The following RAD51B variants were observed in gnomAD, a reference collection of about 807,000 sequenced individuals.
The protein encoded by RAD51B is DNA repair protein RAD51 homolog 2.
RAD51B carries 38 observed loss-of-function variants against 42.2 expected under a neutral mutation model. The observed-to-expected ratio is 0.90, with a 90% CI of 0.70 to 1.18. The LOEUF (loss-of-function observed/expected upper bound fraction) is 1.18, where lower values mean the gene tolerates loss of function less well. Ranked by LOEUF, RAD51B falls within the 50% of genes most tolerant of loss-of-function variation. The pLI is 0.00. For missense variants in RAD51B, 373 were observed against 400.7 expected, an observed-to-expected ratio of 0.93 and a Z score of 0.59; for synonymous variants, 154 against 145.2, an observed-to-expected ratio of 1.06 and a Z score of -0.43.
intron 7 of RAD51B, among the ~76,000 whole-genome samples, chr14:68,085,815 G>A (rs1307158876): frequency 2.6e-5 from 4 of 152,134 alleles, no homozygotes; most frequent in Non-Finnish European, 4.4e-5. Context: ...CCCCTTGCAG[G>A]GCGTGCCACA....
At chr14:68,378,463 AG>A (rs1250474293) in intron 8 of RAD51B, among the ~76,000 whole-genome samples, 1 of 152,150 alleles carries the variant, frequency 6.6e-6, no homozygotes, top group Non-Finnish European at 1.5e-5. Flanking sequence ...GTACCCATGA[AG>A]GATTGGTTCA....
chr14:67,839,087 A>C (rs2041342395), intron 4 of RAD51B, among the ~76,000 whole-genome samples: 1 of 152,096 alleles, frequency 6.6e-6, no homozygotes, highest in Non-Finnish European at 1.5e-5. Context: ...TGTTGGATTC[A>C]GTTTGCTAAT....
downstream of RAD51B, among the ~76,000 whole-genome samples, chr14:68,614,958 C>T (rs544432754): frequency 3.5e-4 from 54 of 152,228 alleles, no homozygotes; most frequent in Middle Eastern, 0.014. Flanking sequence ...CTGCAACCTC[C>T]GCCTCCTGGG....
chr14:68,306,031 C>A (rs2081853470), intron 8 of RAD51B, among the ~76,000 whole-genome samples: 1 of 152,200 alleles, frequency 6.6e-6, no homozygotes, highest in African/African-American at 2.4e-5. Context: ...CTTTCTTGTG[C>A]TGATCATCTT....
At chr14:67,936,423 T>G (rs780126457) in intron 7 of RAD51B, among the ~76,000 whole-genome samples, 1 of 152,222 alleles carries the variant, frequency 6.6e-6, no homozygotes, top group Non-Finnish European at 1.5e-5. Context: ...GTTATCAGTA[T>G]TCTTCATTCC....
intron 7 of RAD51B, among the ~76,000 whole-genome samples, chr14:67,987,150 A>C (rs552796988): frequency 1.1e-4 from 17 of 152,348 alleles, no homozygotes; most frequent in African/African-American, 4.1e-4. Flanking sequence ...AGAATGGGGT[A>C]TCTATCCCCT....
intron 7 of RAD51B, among the ~76,000 whole-genome samples, chr14:68,052,701 AC>A (rs1417062435): frequency 6.6e-6 from 1 of 150,516 alleles, no homozygotes; most frequent in African/African-American, 2.4e-5. Context: ...GCTCACTGCA[AC>A]CTCTGCCTCC....
intron 7 of RAD51B, among the ~76,000 whole-genome samples, chr14:68,145,374 G>A (rs1375199271): frequency 6.6e-6 from 1 of 152,146 alleles, no homozygotes; most frequent in East Asian, 1.9e-4. Context: ...CTACGGGCGG[G>A]GTACATTAGG....
chr14:68,365,274 G>A (rs1350145267), intron 8 of RAD51B, among the ~76,000 whole-genome samples: 1 of 152,250 alleles, frequency 6.6e-6, no homozygotes, highest in East Asian at 1.9e-4. Context: ...GTCTGATTCG[G>A]CTGTCCGGTG....
At chr14:68,612,620 G>A (rs1312602303), downstream of RAD51B, among the ~76,000 whole-genome samples, 1 of 152,184 alleles carries the variant, frequency 6.6e-6, no homozygotes, top group Admixed American at 6.5e-5. Context: ...GGTGGAGAGA[G>A]GGGAACGGGG....
At chr14:68,423,659 T>C (rs2084765484) in intron 9 of RAD51B, among the ~76,000 whole-genome samples, 1 of 152,214 alleles carries the variant, frequency 6.6e-6, no homozygotes, top group Admixed American at 6.5e-5. Flanking sequence ...ACCATGTTCA[T>C]GTAAGATTAT....
chr14:68,271,648 C>T (rs547382952), intron 7 of RAD51B, among the ~76,000 whole-genome samples: 171 of 152,294 alleles, frequency 1.1e-3, no homozygotes, highest in African/African-American at 3.9e-3. Flanking sequence ...CCTCTAAGCT[C>T]ATTTTCTTTA....
chr14:68,488,944 T>C (rs976064208), intron 10 of RAD51B, among the ~76,000 whole-genome samples: 29 of 152,046 alleles, frequency 1.9e-4, no homozygotes, highest in African/African-American at 7.0e-4. Context: ...ATTTTTTCAC[T>C]ATTTTTATTT....
intron 10 of RAD51B, among the ~76,000 whole-genome samples, chr14:68,589,611 T>A (rs1890649716): frequency 1.3e-5 from 2 of 152,186 alleles, no homozygotes; most frequent in Non-Finnish European, 2.9e-5. Context: ...CCAGGGGCCC[T>A]GCACAGGGCA....
At chr14:67,842,027 TG>T (rs1279967468) in intron 4 of RAD51B, among the ~76,000 whole-genome samples, 1 of 152,248 alleles carries the variant, frequency 6.6e-6, no homozygotes, top group East Asian at 1.9e-4. Context: ...GAGTATGGAA[TG>T]TTTTTTCATT....
Position 67,825,555 on chromosome 14 carries a change from C to A in RAD51B, c.176C>A (p.Ala59Asp). ...VHELLCMVSR[A>D]CAPKMQTAYG... is the part of the protein sequence containing the mutation. The stretch of plus-strand genomic sequence containing the variant: ...GAACTTCTATGTATGGTCAGCAGGG[C>A]CTGTGCCCCAAAGATGCAAACGGTA... The change falls in exon 3 of 11, where the codon GCC becomes GAC. Residue 59 changes from alanine (A) to aspartate (D), a missense_variant. Ala to Asp is a moderately radical substitution (Grantham distance 126). Transcript: ENST00000471583. The A allele has an allele frequency of 6.2e-7, 1 of 1,609,670 alleles. No homozygotes were observed.
intron 7 of RAD51B, among the ~76,000 whole-genome samples, chr14:68,089,738 ATG>A (rs149830768): frequency 6.6e-6 from 1 of 152,076 alleles, no homozygotes; most frequent in Non-Finnish European, 1.5e-5. Flanking sequence ...GTAAATGTTT[ATG>A]TGTGTGTGAA....
intron 7 of RAD51B, among the ~76,000 whole-genome samples, chr14:68,058,480 C>T (rs1288976031): frequency 6.6e-6 from 1 of 152,180 alleles, no homozygotes; most frequent in African/African-American, 2.4e-5. Context: ...AATTATACTT[C>T]CAAAGATAAT....
intron 10 of RAD51B, chr14:68,498,019 G>T (rs1281213721): frequency 5.7e-6 from 1 of 176,426 alleles, no homozygotes; most frequent in African/African-American, 2.4e-5. Context: ...ATTTTTTAAG[G>T]TATGTACCTA....
Sources: gnomAD v4.1 joint callset for allele counts (sites outside exome capture counted in the v4.1 genomes callset) on GRCh38, gnomAD v4.1.1 for gene constraint, MANE v1.5 for transcripts, NCBI Gene and HGNC (gene_info 2026-07-23, HGNC 2026-07-21) for gene names.